The following GAS7 variants were observed in gnomAD, a reference collection of about 807,000 sequenced individuals.
GAS7 encodes the protein growth arrest-specific protein 7.
In GAS7, 28 loss-of-function variants were observed where a neutral mutation model predicts 71.1. The observed-to-expected ratio is 0.39, with a 90% CI of 0.29 to 0.54. The LOEUF is 0.54. GAS7 is among the 20% of genes least tolerant of loss of function. The pLI is 0.62. For synonymous variants in GAS7, 258 were observed against 245.8 expected, an observed-to-expected ratio of 1.05 and a Z score of -0.46; for missense variants, 436 against 627.8, an observed-to-expected ratio of 0.69 and a Z score of 3.27.
intron 2 of GAS7, among the ~76,000 whole-genome samples, chr17:9,992,211 A>T (rs2070868832): frequency 6.6e-6 from 1 of 152,158 alleles, no homozygotes; most frequent in African/African-American, 2.4e-5. Context: ...TAGACTTAGG[A>T]TCAGGCAAGG....
At chr17:10,144,539 ATTTC>A (rs959545486) in intron 1 of GAS7, among the ~76,000 whole-genome samples, 2 of 151,948 alleles carry the variant, frequency 1.3e-5, no homozygotes, top group Non-Finnish European at 2.9e-5. Flanking sequence ...GTGGATGTTA[ATTTC>A]TTTTTTTTCT....
At chr17:10,104,274 T>C (rs1215628591) in intron 1 of GAS7, among the ~76,000 whole-genome samples, 1 of 152,098 alleles carries the variant, frequency 6.6e-6, no homozygotes, top group East Asian at 1.9e-4. Flanking sequence ...GCCAGCAACA[T>C]TCAATGTCCC....
At chr17:10,153,216 A>AAAAACAAAGCAAAACAAAAAC (rs2074180499) in intron 1 of GAS7, among the ~76,000 whole-genome samples, 2 of 151,492 alleles carry the variant, frequency 1.3e-5, no homozygotes, top group Admixed American at 6.6e-5. Context: ...TCTCAAAAAA[A>AAAAACAAAGCAAAACAAAAAC]AAACACTGGG....
chr17:10,004,155 T>A (rs928655537), intron 2 of GAS7, among the ~76,000 whole-genome samples: 2 of 152,054 alleles, frequency 1.3e-5, no homozygotes, highest in Non-Finnish European at 2.9e-5. Context: ...ATTTTAACAA[T>A]CTCATATCCA....
At chr17:10,172,236 T>G (rs1047297466) in intron 1 of GAS7, among the ~76,000 whole-genome samples, 1 of 152,196 alleles carries the variant, frequency 6.6e-6, no homozygotes. Flanking sequence ...TGGCCTGCCA[T>G]GGCAGCCCTC....
chr17:10,065,448 G>A (rs1357182056), intron 1 of GAS7, among the ~76,000 whole-genome samples: 2 of 152,300 alleles, frequency 1.3e-5, no homozygotes, highest in Middle Eastern at 3.4e-3. Flanking sequence ...GGGTCAAGGG[G>A]AGAACTCAGT....
chr17:10,005,175 A>T lies in GAS7; in HGVS notation c.304+14602T>A, dbSNP rs1404252573. Reference sequence around the variant, plus strand: ...CATGCATGTGTGTGCGCACGCATGCATGTATGTGTATGTGCACGCATGCAT... The same window carrying T: ...CATGCATGTGTGTGCGCACGCATGCTTGTATGTGTATGTGCACGCATGCAT... On this transcript the variant is annotated intron_variant, in intron 2 of 13. Coordinates refer to ENST00000432992, the MANE Select transcript of GAS7 (RefSeq NM_201433.2). 9.0e-3 allele frequency among the ~76,000 whole-genome samples: 1,354 copies of T among 151,012 alleles called. 36 individuals are homozygous for T. Among genetic ancestry groups the T allele is most frequent in the East Asian group, 0.079 (402 of 5,086 alleles).
At chr17:10,079,985 C>T (rs1488800460) in intron 1 of GAS7, among the ~76,000 whole-genome samples, 1 of 152,150 alleles carries the variant, frequency 6.6e-6, no homozygotes, top group African/African-American at 2.4e-5. Context: ...CAGAGTGACT[C>T]CATCTTGTAT....
chr17:10,130,179 AC>A (rs1339188301), intron 1 of GAS7, among the ~76,000 whole-genome samples: 5 of 149,566 alleles, frequency 3.3e-5, no homozygotes, highest in Admixed American at 1.3e-4. Flanking sequence ...AAAAAAAAAA[AC>A]AAAAAAAAAC....
At chr17:10,165,208 C>A (rs898087490) in intron 1 of GAS7, among the ~76,000 whole-genome samples, 8 of 147,150 alleles carry the variant, frequency 5.4e-5, no homozygotes, top group African/African-American at 2.0e-4. Flanking sequence ...AGGAGAATGA[C>A]GTGAACCCGG....
At chr17:10,063,534 T>C (rs946180726) in intron 1 of GAS7, among the ~76,000 whole-genome samples, 2 of 152,174 alleles carry the variant, frequency 1.3e-5, no homozygotes, top group African/African-American at 2.4e-5. Context: ...TTCCAGAGAA[T>C]GAATTCAAGG....
In GAS7 at chr17:9,912,349, C is replaced by T. The variant is rs750520345; in HGVS notation, c.*4879G>A. The T allele has an allele frequency of 8.6e-6, 2 of 232,838 alleles. No homozygotes were observed. Among genetic ancestry groups the T allele is most frequent in the Non-Finnish European group, 1.7e-5 (2 of 117,870 alleles). 14.4% of individuals were successfully genotyped at this position (232,838 alleles called of 1,614,324 possible). ...GAAAGGGAGGAGGTACATGCAGTTG[C>T]CGGTGGCCTGAGACACTCATCTAGA... On this transcript the variant is annotated 3_prime_UTR_variant, in exon 14 of 14. Transcript: ENST00000432992.
At chr17:10,024,277 C>T (rs987854563) in intron 1 of GAS7, among the ~76,000 whole-genome samples, 1 of 152,210 alleles carries the variant, frequency 6.6e-6, no homozygotes, top group Non-Finnish European at 1.5e-5. Flanking sequence ...GAGCAGCCGG[C>T]CCCCAGGCAT....
chr17:10,111,489 T>C (rs976754539), intron 1 of GAS7, among the ~76,000 whole-genome samples: 8 of 151,408 alleles, frequency 5.3e-5, no homozygotes, highest in African/African-American at 1.9e-4. Flanking sequence ...GCCAAGACTG[T>C]GCCACTGCAC....
intron 5 of GAS7, among the ~76,000 whole-genome samples, chr17:9,948,628 A>G (rs1237995979): frequency 1.3e-5 from 2 of 151,958 alleles, no homozygotes; most frequent in Non-Finnish European, 2.9e-5. Flanking sequence ...GGTTGCAGTG[A>G]GCCGAGATTG....
At chr17:9,954,074 C>T (rs926599212) in intron 5 of GAS7, among the ~76,000 whole-genome samples, 7 of 152,104 alleles carry the variant, frequency 4.6e-5, no homozygotes, top group African/African-American at 1.7e-4. Flanking sequence ...AATAGTAGGG[C>T]CCAGGCAGAC....
chr17:10,196,601 C>T (rs1395518510), intron 1 of GAS7, among the ~76,000 whole-genome samples: 1 of 152,180 alleles, frequency 6.6e-6, no homozygotes, highest in Non-Finnish European at 1.5e-5. Flanking sequence ...AAAAGCAGCA[C>T]TCCACTCTTG....
chr17:10,016,751 A>AAT (rs2072035797), intron 2 of GAS7, among the ~76,000 whole-genome samples: 1 of 139,900 alleles, frequency 7.1e-6, no homozygotes, highest in Non-Finnish European at 1.5e-5. Flanking sequence ...TCTCTACAAA[A>AAT]AATAATAATA....
chr17:9,931,789 C>T (rs2068217153), intron 9 of GAS7, among the ~76,000 whole-genome samples: 1 of 152,182 alleles, frequency 6.6e-6, no homozygotes, highest in Non-Finnish European at 1.5e-5. Flanking sequence ...TTGGGGCACA[C>T]TAAGCCATGG....
Sources: gnomAD v4.1 joint callset for allele counts (sites outside exome capture counted in the v4.1 genomes callset) on GRCh38, gnomAD v4.1.1 for gene constraint, MANE v1.5 for transcripts, NCBI Gene and HGNC (gene_info 2026-07-23, HGNC 2026-07-21) for gene names.